The following RPTOR variants were observed in gnomAD, a reference collection of about 807,000 sequenced individuals.
RPTOR encodes regulatory associated protein of MTOR complex 1, also known as regulatory-associated protein of mTOR.
A neutral mutation model predicts 169.9 loss-of-function variants in RPTOR; 21 were observed. That is an observed-to-expected ratio of 0.12 (90% confidence interval 0.09 to 0.18). RPTOR has a LOEUF of 0.18. Ranked by LOEUF, RPTOR falls within the 10% of genes least tolerant of loss-of-function variation. The probability of loss-of-function intolerance (pLI) is 1.00; values close to 1 mark genes in which losing one functional copy is unlikely to be tolerated. For missense variants in RPTOR, 1,133 were observed against 1,855.9 expected, an observed-to-expected ratio of 0.61 and a Z score of 7.16; for synonymous variants, 732 against 753.2, an observed-to-expected ratio of 0.97 and a Z score of 0.46.
intron 17 of RPTOR, among the ~76,000 whole-genome samples, chr17:80,885,644 T>C (rs1258892627): frequency 2.6e-5 from 4 of 152,152 alleles, no homozygotes; most frequent in Non-Finnish European, 5.9e-5. Flanking sequence ...CCCGGGTTCA[T>C]GCCATCTCCT....
At position 80,947,467 on chromosome 17, in the gene RPTOR, G is replaced by T. The variant is rs114951990; in HGVS notation, c.3265+116G>T. ...GTCTTACAGAAAGCCCTGCTCACACGCGAGGGCCACTGTCATTCAGAAGTG... is the reference window on the plus strand; with the variant it reads ...GTCTTACAGAAAGCCCTGCTCACACTCGAGGGCCACTGTCATTCAGAAGTG... On this transcript the variant is annotated intron_variant, in intron 27 of 33. Coordinates refer to ENST00000306801, the MANE Select transcript of RPTOR (RefSeq NM_020761.3). This position sits in a 1 kb window ranked among gnomAD's most constrained non-coding sequence, Gnocchi z 4.4. 2 of 1,301,544 alleles carry T rather than the reference G, an allele frequency of 1.5e-6. No individual in the cohort carries two copies. Among genetic ancestry groups the T allele is most frequent in the Non-Finnish European group, 2.0e-6 (2 of 1,003,398 alleles). 80.6% of individuals were successfully genotyped at this position (1,301,544 alleles called of 1,614,324 possible). A position where few individuals can be genotyped will look rare whatever the true frequency, so the allele number is the denominator to read the frequency against.
At chr17:80,784,622 A>C (rs978611805) in intron 6 of RPTOR, among the ~76,000 whole-genome samples, 1 of 150,216 alleles carries the variant, frequency 6.7e-6, no homozygotes, top group African/African-American at 2.5e-5. Context: ...TGAACTCCTG[A>C]CCTCAGGTGA....
In RPTOR at chr17:80,643,722, C is replaced by T. The variant is rs372098801; in HGVS notation, c.266-6C>T. On this transcript the variant is annotated splice_region_variant and splice_polypyrimidine_tract_variant and intron_variant, in intron 2 of 33. Coordinates refer to ENST00000306801, the MANE Select transcript of RPTOR (RefSeq NM_020761.3). ...AAGAACTTTCTCTTTTCCATTGCTT[C>T]CTCAGATCCTCTGTCGATGGGTCCT... The T allele has an allele frequency of 1.8e-4, 294 of 1,610,876 alleles. No homozygotes were observed. The highest frequency in any genetic ancestry group is 2.4e-4 in the Non-Finnish European group (288 of 1,178,154).
At chr17:80,941,636 C>T (rs1051194729) in intron 25 of RPTOR, among the ~76,000 whole-genome samples, 6 of 152,242 alleles carry the variant, frequency 3.9e-5, no homozygotes, top group Non-Finnish European at 8.8e-5. Context: ...GACTCTGACC[C>T]CAGTCTGCAG....
chr17:80,769,550 C>T (rs1013079842), intron 6 of RPTOR, among the ~76,000 whole-genome samples: 2 of 152,244 alleles, frequency 1.3e-5, no homozygotes, highest in Middle Eastern at 3.4e-3. Flanking sequence ...CCTGTGTGCC[C>T]GGAAAAGAGG....
At chr17:80,627,695 T>C (rs999118729) in intron 2 of RPTOR, among the ~76,000 whole-genome samples, 1 of 152,248 alleles carries the variant, frequency 6.6e-6, no homozygotes, top group African/African-American at 2.4e-5. Flanking sequence ...CATTTACTAG[T>C]TGACAGACAT....
intron 3 of RPTOR, among the ~76,000 whole-genome samples, chr17:80,684,464 G>T (rs531763259): frequency 1.6e-4 from 24 of 148,622 alleles, no homozygotes; most frequent in East Asian, 2.0e-4. Context: ...TTTTTCTGGA[G>T]GCATAGTCTC....
intron 5 of RPTOR, among the ~76,000 whole-genome samples, chr17:80,732,020 C>T (rs10401045): frequency 0.014 from 2,075 of 152,220 alleles, 50 homozygotes; most frequent in African/African-American, 0.047. Flanking sequence ...AAAGAAAGAT[C>T]AAGGTTTGTA....
chr17:80,648,155 C>A (rs1480148287), intron 3 of RPTOR, among the ~76,000 whole-genome samples: 1 of 152,080 alleles, frequency 6.6e-6, no homozygotes, highest in Non-Finnish European at 1.5e-5. Flanking sequence ...GACAGTCATC[C>A]TTTCGTGGTA....
At chr17:80,717,910 C>T (rs1033023179) in intron 4 of RPTOR, among the ~76,000 whole-genome samples, 1 of 152,214 alleles carries the variant, frequency 6.6e-6, no homozygotes, top group East Asian at 1.9e-4. Context: ...TAAGAATTCA[C>T]GTAGCGGAAC....
At chr17:80,725,588 C>G (rs896071980) in intron 4 of RPTOR, among the ~76,000 whole-genome samples, 1 of 152,104 alleles carries the variant, frequency 6.6e-6, no homozygotes, top group African/African-American at 2.4e-5. Flanking sequence ...CACAGGACAA[C>G]GAGGAGTGAC....
At chr17:80,870,752 T>C (rs1441347688) in intron 13 of RPTOR, among the ~76,000 whole-genome samples, 1 of 151,416 alleles carries the variant, frequency 6.6e-6, no homozygotes, top group Non-Finnish European at 1.5e-5. Flanking sequence ...ACAAATTTTA[T>C]TTTTTTAGAA....
intron 23 of RPTOR, chr17:80,924,166 T>G (rs1054492164): frequency 6.4e-6 from 1 of 156,514 alleles, no homozygotes; most frequent in African/African-American, 2.4e-5. Context: ...TTAACTAAGT[T>G]GAAAAAGATA....
intron 1 of RPTOR, among the ~76,000 whole-genome samples, chr17:80,549,390 A>C (rs1192821148): frequency 1.3e-5 from 2 of 151,906 alleles, no homozygotes; most frequent in Admixed American, 1.3e-4. Context: ...GCTCACTGCA[A>C]CCTCCGCCTC....
chr17:80,620,788 C>G (rs2065348874), intron 1 of RPTOR, among the ~76,000 whole-genome samples: 1 of 152,136 alleles, frequency 6.6e-6, no homozygotes, highest in Admixed American at 6.5e-5. Context: ...AAAAAACTTA[C>G]CAAATTTGAA....
Position 80,730,494 on chromosome 17 carries a change from A to T in RPTOR, c.508-66A>T. On this transcript the variant is annotated intron_variant, in intron 4 of 33. Coordinates refer to ENST00000306801, the MANE Select transcript of RPTOR (RefSeq NM_020761.3). The surrounding 1 kb of genome is among the most constrained non-coding windows in gnomAD (Gnocchi z 4.2). ...ATGTGTGTGCCTTTTGTAACGGTGC[A>T]GTACTCACCAGCAGCCCATATTCCT... is the stretch of plus-strand genomic sequence containing the variant. 6.4e-7 allele frequency: 1 copy of T among 1,561,858 alleles called. No individual in the cohort carries two copies. The highest frequency in any genetic ancestry group is 1.1e-5 in the South Asian group (1 of 88,592).
intron 3 of RPTOR, among the ~76,000 whole-genome samples, chr17:80,648,468 G>A (rs1282262045): frequency 6.6e-6 from 1 of 151,846 alleles, no homozygotes; most frequent in East Asian, 1.9e-4. Flanking sequence ...CCACCTCACA[G>A]GGAGTGTCAT....
At chr17:80,692,753 GT>G (rs1475520288) in intron 3 of RPTOR, among the ~76,000 whole-genome samples, 9 of 152,354 alleles carry the variant, frequency 5.9e-5, no homozygotes, top group African/African-American at 1.7e-4. Context: ...ATGAGCCACT[GT>G]GCCTGGCTGG....
chr17:80,841,352 GCTCT>G (rs1430642773), intron 10 of RPTOR, among the ~76,000 whole-genome samples: 1 of 62,100 alleles, frequency 1.6e-5, no homozygotes, highest in African/African-American at 8.5e-5. Context: ...ACGGCAGCTC[GCTCT>G]CTCTGCACCG....
Sources: allele counts gnomAD v4.1 joint callset (sites outside exome capture counted in the v4.1 genomes callset), GRCh38; gene constraint gnomAD v4.1.1; non-coding constraint Gnocchi (gnomAD v3.1); transcripts MANE v1.5; gene names NCBI Gene and HGNC (gene_info 2026-07-23, HGNC 2026-07-21).